Variants in TTN observed in about 807,000 individuals in gnomAD.
TTN encodes the protein connectin.
TTN carries 1,525 observed loss-of-function variants against 3,223.0 expected under a neutral mutation model. That is an observed-to-expected ratio of 0.47 (90% CI 0.45 to 0.49). The LOEUF is 0.49. Ranked by LOEUF, TTN falls within the 20% of genes least tolerant of loss-of-function variation. The probability of loss-of-function intolerance (pLI) is 0.00; values close to 1 mark genes in which losing one functional copy is unlikely to be tolerated. For missense variants in TTN, 40,786 were observed against 43,424.0 expected (o/e 0.94, Z 5.40); for synonymous variants, 14,094 against 15,161.0 (o/e 0.93, Z 5.17).
At position 178,704,670 on chromosome 2, in the gene TTN, C is replaced by A. The variant is rs1046404085; in HGVS notation, c.29802G>T (p.Trp9934Cys). 6.2e-7 allele frequency: 1 copy of A among 1,611,726 alleles called. No individual in the cohort carries two copies. Among genetic ancestry groups the A allele is most frequent in the African/African-American group, 1.3e-5 (1 of 74,888 alleles). The stretch of plus-strand genomic sequence containing the variant: ...GTTCCAGTTTTTCAGTTCCTTTGTA[C>A]CACGAAAGCTTGATTTCTGGATAAT... ...KINYPEIKLS[W>C]YKGTEKLEPS... The change falls in exon 105 of 363, where the codon TGG becomes TGT. Residue 9934 changes from tryptophan (W) to cysteine (C), a missense_variant. Transcript: ENST00000589042.
chr2:178,678,958 T>A, intron 142 of TTN, 128 bp from the exon 143 acceptor site: 1 of 761,584 alleles, frequency 1.3e-6, no homozygotes, highest in Non-Finnish European at 2.1e-6. Context: ...GACTGAAAAT[T>A]ATAATAGCCA....
Position 178,725,761 on chromosome 2 carries a change from T to C in TTN, c.20554+7A>G. On this transcript the variant is annotated splice_region_variant and intron_variant, in intron 70 of 362. Transcript: ENST00000589042. ...ACATTTCTGCCATGTGGATGAACTA[T>C]ATTTACCTTTCAATTTTACAGTACA... is the stretch of plus-strand genomic sequence containing the variant. 1 of 1,583,174 alleles carries C rather than the reference T, an allele frequency of 6.3e-7. No homozygotes were observed. The highest frequency in any genetic ancestry group is 8.6e-7 in the Non-Finnish European group (1 of 1,162,984).
At chr2:178,681,633 A>G in intron 136 of TTN, 28 bp downstream of exon 136, 1 of 1,588,662 alleles carries the variant, frequency 6.3e-7, no homozygotes, top group Non-Finnish European at 8.6e-7. Flanking sequence ...AAGATCTCTT[A>G]CAGGTAATAA....
Position 178,552,662 on chromosome 2 carries a change from C to T in TTN, c.90238G>A (p.Ala30080Thr), listed in dbSNP as rs753375022. ...ATTTCACATGTCTTACTTATGCCAGCGTGGGACCACGTCTGTTCACCTTTA... is the reference window on the plus strand; with the variant it reads ...ATTTCACATGTCTTACTTATGCCAGTGTGGGACCACGTCTGTTCACCTTTA... ...KGKGEQTWSH[A>T]GISKTCEIEV... The change falls in exon 335 of 363, where the codon GCT (alanine) becomes ACT (threonine). Residue 30080 changes from alanine to threonine, a missense_variant. Physicochemically the swap from Ala to Thr is moderately conservative, Grantham distance 58. Coordinates refer to ENST00000589042, the MANE Select transcript of TTN (RefSeq NM_001267550.2). The T allele has an allele frequency of 1.8e-5, 29 of 1,613,940 alleles. No individual in the cohort carries two copies. The highest frequency in any genetic ancestry group is 4.0e-5 in the African/African-American group (3 of 75,054).
Position 178,704,716 on chromosome 2 carries a change from A to G in TTN, c.29756T>C (p.Phe9919Ser). The change falls in exon 105 of 363, where the codon TTT (phenylalanine) becomes TCT (serine). Residue 9919 changes from phenylalanine (F) to serine (S), a missense_variant. Coordinates refer to ENST00000589042, the MANE Select transcript of TTN (RefSeq NM_001267550.2). ...ATAATTAATTTTAATGTCAATTTCA[A>G]AGACAGCATCATTATCTTTCAAAAC... is the stretch of plus-strand genomic sequence containing the variant. ...QTVLKDNDAV[F>S]EIDIKINYPE... 6.2e-7 allele frequency: 1 copy of G among 1,611,450 alleles called. No homozygotes were observed. The highest frequency in any genetic ancestry group is 8.5e-7 in the Non-Finnish European group (1 of 1,179,486).
At position 178,681,673 on chromosome 2, in the gene TTN, G is replaced by A. The variant is rs2069439213; in HGVS notation, c.33160C>T (p.Pro11054Ser). Residue 11054 changes from proline (P) to serine (S), a missense_variant, in exon 136 of 363, where the codon CCA (proline) becomes TCA (serine). Transcript: ENST00000589042. The stretch of plus-strand genomic sequence containing the variant: ...TTTTTCACTCTACCTTTAGCCGGTG[G>A]GGCCTTTGGTTTTGTGGGAACTGGT... Reference protein sequence around the residue: ...EEPVPTKPKAPPAKVLKKAVP... With the variant: ...EEPVPTKPKASPAKVLKKAVP... The A allele has an allele frequency of 1.2e-6, 2 of 1,605,592 alleles. No homozygotes were observed. Among genetic ancestry groups the A allele is most frequent in the African/African-American group, 1.3e-5 (1 of 74,104 alleles).
rs760621388 is a variant in TTN, at chr2:178,574,005, C to A, written c.72127G>T (p.Ala24043Ser). Residue 24043 changes from alanine (A) to serine (S), a missense_variant, in exon 326 of 363, where the codon GCA becomes TCA. Coordinates refer to ENST00000589042, the MANE Select transcript of TTN (RefSeq NM_001267550.2). ...VKFKDTVILKAGEAFRLEADV... is the reference protein window; with the variant it reads ...VKFKDTVILKSGEAFRLEADV... ...GCTTCCAGTCTGAATGCTTCACCTGCTTTTAATATAACCGTGTCCTTAAAT... is the reference window on the plus strand; with the variant it reads ...GCTTCCAGTCTGAATGCTTCACCTGATTTTAATATAACCGTGTCCTTAAAT... 1.2e-6 allele frequency: 2 copies of A among 1,613,262 alleles called. No individual in the cohort carries two copies. The highest frequency in any genetic ancestry group is 2.7e-5 in the African/African-American group (2 of 74,888).
chr2:178,568,333 T>A lies in TTN; in HGVS notation c.77799A>T (p.Thr25933=), dbSNP rs727505210. 25 of 1,613,442 alleles carry A rather than the reference T, an allele frequency of 1.5e-5. No homozygotes were observed. Among genetic ancestry groups the A allele is most frequent in the Non-Finnish European group, 1.8e-5 (21 of 1,179,630 alleles). The change falls in exon 326 of 363, where the codon ACA becomes ACT. Residue 25933 remains threonine, a synonymous_variant. Coordinates refer to ENST00000589042, the MANE Select transcript of TTN (RefSeq NM_001267550.2). ...ITNYIVQKRD[T]TTTVWDVVSA... ...AAACAACATCCCATACTGTGGTGGTTGTATCTCTTTTCTGAACAATGTAGT... is the reference window on the plus strand; with the variant it reads ...AAACAACATCCCATACTGTGGTGGTAGTATCTCTTTTCTGAACAATGTAGT...
rs183492348 is a variant in TTN at position 178,617,634 on chromosome 2, C to T, written c.47573-122G>A. ...TATCAAATTCACTAAGTAAAGTAGG[C>T]ACAGTCTGGGTTTCTAAAACTTTAT... On this transcript the variant is annotated intron_variant, in intron 253 of 362. Coordinates refer to ENST00000589042, the MANE Select transcript of TTN (RefSeq NM_001267550.2). 1,683 of 1,382,174 alleles carry T rather than the reference C, an allele frequency of 1.2e-3. 2 individuals are homozygous for T. The highest frequency in any genetic ancestry group is 1.7e-3 in the Admixed American group (63 of 37,374). The allele number at this position is 1,382,174 out of a possible 1,614,324, so 85.6% of individuals were successfully genotyped here.
rs72629783 is a variant in TTN, at chr2:178,533,738, T to C, written c.102877A>G (p.Lys34293Glu). 1.9e-4 allele frequency: 308 copies of C among 1,613,976 alleles called. 1 individual carries two copies. In the Middle Eastern group the frequency reaches 4.6e-3, roughly 24 times the overall value. ...VHPEPHVTWY[K>E]SGQKIKPGDN... ...CCTGGTTTGATTTTCTGACCTGATT[T>C]ATACCATGTTACATGAGGCTCTGGG... Residue 34293 changes from lysine to glutamate, a missense_variant, in exon 358 of 363, where the codon AAA (lysine) becomes GAA (glutamate). Transcript: ENST00000589042.
chr2:178,544,988 C>G (rs1347306340), intron 344 of TTN, among the ~76,000 whole-genome samples: 1 of 152,178 alleles, frequency 6.6e-6, no homozygotes, highest in East Asian at 1.9e-4. Context: ...AAGCTCTTGT[C>G]ACAATTACTT....
intron 117 of TTN, 74 bp from the exon 118 acceptor site, chr2:178,694,082 T>C (rs1254498772): frequency 1.7e-6 from 2 of 1,153,134 alleles, no homozygotes; most frequent in African/African-American, 3.1e-5. Context: ...ATGGATTTTA[T>C]ACTCAAGTAT....
At position 178,782,292 on chromosome 2, in the gene TTN, C is replaced by T. The variant is rs753795136; in HGVS notation, c.3300G>A (p.Val1100=). 1 of 1,613,980 alleles carries T rather than the reference C, an allele frequency of 6.2e-7. No homozygotes were observed. The highest frequency in any genetic ancestry group is 1.3e-5 in the African/African-American group (1 of 74,904). Residue 1100 remains valine (V), a synonymous_variant, in exon 20 of 363, where the codon GTG becomes GTA. Transcript: ENST00000589042. Reference sequence around the variant, plus strand: ...GGTTGCCGCCAACTTGGCATCCAAACACCACGCTCCCACCTTCCACCAGTT... The same window carrying T: ...GGTTGCCGCCAACTTGGCATCCAAATACCACGCTCCCACCTTCCACCAGTT... ...VQKLVEGGSV[V]FGCQVGGNPK...
At position 178,553,585 on chromosome 2, in the gene TTN, T is replaced by G; in HGVS notation, c.89420A>C (p.Tyr29807Ser). Residue 29807 changes from tyrosine to serine, a missense_variant, in exon 334 of 363, where the codon TAC becomes TCC. By Grantham distance (144) the Tyr-to-Ser change is moderately radical (BLOSUM62 -2). Coordinates refer to ENST00000589042, the MANE Select transcript of TTN (RefSeq NM_001267550.2). ...ACAGTTTACAGCAGATACCCGGAAG[T>G]AGTAATTGACTCCAGGTTTCAGGTT... ...VSNLKPGVNY[Y>S]FRVSAVNCAG... is the part of the protein sequence containing the mutation. 6.2e-7 allele frequency: 1 copy of G among 1,613,910 alleles called. No homozygotes were observed. The highest frequency in any genetic ancestry group is 1.3e-5 in the African/African-American group (1 of 75,072).
chr2:178,586,615 G>A lies in TTN; in HGVS notation c.64286C>T (p.Thr21429Ile), dbSNP rs1276697618. 2 of 1,613,104 alleles carry A rather than the reference G, an allele frequency of 1.2e-6. No individual in the cohort carries two copies. The highest frequency in any genetic ancestry group is 2.7e-5 in the African/African-American group (2 of 74,862). The change falls in exon 308 of 363, where the codon ACT becomes ATT. Residue 21429 changes from threonine to isoleucine, a missense_variant. Physicochemically the swap from Thr to Ile is moderately conservative, Grantham distance 89 (BLOSUM62 -1). Transcript: ENST00000589042. ...SVVKDLSLVV[T>I]GLKEGKKYKF... ...GTATTTCTTTCCTTCCTTTAGGCCAGTGACAACAAGGCTCAGATCTTTTAC... is the reference window on the plus strand; with the variant it reads ...GTATTTCTTTCCTTCCTTTAGGCCAATGACAACAAGGCTCAGATCTTTTAC...
rs184570124 is a variant in TTN at position 178,765,980 on chromosome 2, A to T, written c.9703+401T>A. 1.8e-3 allele frequency among the ~76,000 whole-genome samples: 280 copies of T among 152,248 alleles called. 7 individuals carry two copies. In the South Asian group the frequency reaches 0.024, roughly 13 times the overall value. Reference sequence around the variant, plus strand: ...TCAAAGAGGACTTTTGAGTTCTCCCAGGCACTCCATATCAGAGGCTGGAAA... The same window carrying T: ...TCAAAGAGGACTTTTGAGTTCTCCCTGGCACTCCATATCAGAGGCTGGAAA... On this transcript the variant is annotated intron_variant, in intron 41 of 362. Coordinates refer to ENST00000589042, the MANE Select transcript of TTN (RefSeq NM_001267550.2).
At position 178,584,581 on chromosome 2, in the gene TTN, G is replaced by C. The variant is rs756527736; in HGVS notation, c.64973-3C>G. Reference sequence around the variant, plus strand: ...ATTCTTTGGTTCACTAGGAACACCTGGAGATGAAGACAAGGAAGATGTCAG... The same window carrying C: ...ATTCTTTGGTTCACTAGGAACACCTCGAGATGAAGACAAGGAAGATGTCAG... On this transcript the variant is annotated splice_region_variant and splice_polypyrimidine_tract_variant and intron_variant, in intron 310 of 362. Transcript: ENST00000589042. The C allele has an allele frequency of 1.9e-6, 3 of 1,611,298 alleles. No homozygotes were observed. In the South Asian group the frequency reaches 3.3e-5, roughly 18 times the overall value.
Position 178,721,873 on chromosome 2 carries a change from A to G in TTN, c.22790T>C (p.Met7597Thr). 2.5e-6 allele frequency: 4 copies of G among 1,612,442 alleles called. No homozygotes were observed. The highest frequency in any genetic ancestry group is 3.4e-6 in the Non-Finnish European group (4 of 1,179,012). Residue 7597 changes from methionine (M) to threonine (T), a missense_variant, in exon 78 of 363, where the codon ATG (methionine) becomes ACG (threonine). Transcript: ENST00000589042. Reference sequence around the variant, plus strand: ...TTTTACACTGAGCTGAGCTGAGCACATGTCTTTGCCAACATCATTGGTTGC... The same window carrying G: ...TTTTACACTGAGCTGAGCTGAGCACGTGTCTTTGCCAACATCATTGGTTGC... Reference protein sequence around the residue: ...CQATNDVGKDMCSAQLSVKEP... With the variant: ...CQATNDVGKDTCSAQLSVKEP...
In TTN at chr2:178,576,634, G is replaced by A. The variant is rs913920460; in HGVS notation, c.69610C>T (p.Leu23204=). The change falls in exon 325 of 363, where the codon CTG becomes TTG. Residue 23204 remains leucine (L), a synonymous_variant. Coordinates refer to ENST00000589042, the MANE Select transcript of TTN (RefSeq NM_001267550.2). The surrounding 1 kb of genome is among the most constrained non-coding windows in gnomAD (Gnocchi z 4.3). ...VSDLRCKVTG[L]QEGSTYEFRV... Reference sequence around the variant, plus strand: ...AATTCGTAGGTGCTTCCTTCTTGCAGTCCTGTTACTTTGCACCTGAGATCG... The same window carrying A: ...AATTCGTAGGTGCTTCCTTCTTGCAATCCTGTTACTTTGCACCTGAGATCG... 6.2e-7 allele frequency: 1 copy of A among 1,613,562 alleles called. No homozygotes were observed. Among genetic ancestry groups the A allele is most frequent in the Non-Finnish European group, 8.5e-7 (1 of 1,179,620 alleles).
Sources: allele counts gnomAD v4.1 joint callset (sites outside exome capture counted in the v4.1 genomes callset), GRCh38; gene constraint gnomAD v4.1.1; non-coding constraint Gnocchi (gnomAD v3.1); transcripts MANE v1.5; gene names NCBI Gene and HGNC (gene_info 2026-07-23, HGNC 2026-07-21).